TMIGD3: variants seen among roughly 807,000 people sequenced by gnomAD.
The protein encoded by TMIGD3 is AD026 protein (AD026).
In TMIGD3, 21 loss-of-function variants were observed where a neutral mutation model predicts 28.1. The observed-to-expected ratio is 0.75, with a 90% CI of 0.53 to 1.08. The LOEUF is 1.08. TMIGD3 is among the 50% of genes least tolerant of loss of function. TMIGD3 has a pLI of 0.00. For missense variants in TMIGD3, 416 were observed against 435.6 expected (o/e 0.96, Z 0.40); for synonymous variants, 151 against 162.1 (o/e 0.93, Z 0.52).
intron 1 of TMIGD3, among the ~76,000 whole-genome samples, chr1:111,548,450 T>G (rs1268158360): frequency 1.3e-5 from 2 of 152,230 alleles, no homozygotes; most frequent in Non-Finnish European, 2.9e-5. Context: ...TGACTCTGCT[T>G]GTTTAAAATT....
At chr1:111,497,229 G>A (rs1195323961) in intron 1 of TMIGD3, among the ~76,000 whole-genome samples, 3 of 152,166 alleles carry the variant, frequency 2.0e-5, no homozygotes, top group African/African-American at 7.2e-5. Flanking sequence ...TCCTGCCTCA[G>A]CCTCCCGAGT....
upstream of TMIGD3, chr1:111,504,876 C>A (rs995676535): frequency 1.0e-5 from 10 of 985,302 alleles, no homozygotes; most frequent in Middle Eastern, 5.2e-4. Flanking sequence ...CTTGTCCCCG[C>A]CAGACTTGTC....
chr1:111,536,394 A>G (rs1408978709), intron 1 of TMIGD3, among the ~76,000 whole-genome samples: 1 of 152,168 alleles, frequency 6.6e-6, no homozygotes, highest in Admixed American at 6.5e-5. Flanking sequence ...CACTGTGGGA[A>G]AATCCCTAGG....
chr1:111,526,467 A>G (rs1656266128), intron 1 of TMIGD3, among the ~76,000 whole-genome samples: 1 of 152,116 alleles, frequency 6.6e-6, no homozygotes, highest in African/African-American at 2.4e-5. Context: ...CCATGATTGT[A>G]AGTTTCCTGA....
intron 1 of TMIGD3, among the ~76,000 whole-genome samples, chr1:111,560,285 T>C: frequency 6.6e-6 from 1 of 151,978 alleles, no homozygotes; most frequent in East Asian, 1.9e-4. Context: ...TCTCAGCCTT[T>C]TGGCTAAAAT....
intron 1 of TMIGD3, among the ~76,000 whole-genome samples, chr1:111,549,309 C>CT (rs767231547): frequency 0.052 from 6,553 of 125,418 alleles, 382 homozygotes; most frequent in Admixed American, 0.14. Flanking sequence ...CAGTCATGGG[C>CT]TTTTTTTTTT....
At chr1:111,525,388 T>A (rs1656228501) in intron 1 of TMIGD3, among the ~76,000 whole-genome samples, 1 of 152,228 alleles carries the variant, frequency 6.6e-6, no homozygotes, top group African/African-American at 2.4e-5. Flanking sequence ...TAGGTCCTAT[T>A]GATGAATTGT....
upstream of TMIGD3, chr1:111,504,207 C>T (rs955161118): frequency 2.3e-6 from 2 of 866,006 alleles, no homozygotes; most frequent in Non-Finnish European, 1.4e-6. Flanking sequence ...TGCTTAGCCT[C>T]CACCTCTCTT....
intron 5 of TMIGD3, among the ~76,000 whole-genome samples, chr1:111,484,443 G>A (rs1258565629): frequency 6.6e-6 from 1 of 152,168 alleles, no homozygotes; most frequent in African/African-American, 2.4e-5. Context: ...AGTGACAATG[G>A]TTTTAGCAAA....
chr1:111,486,254 C>T (rs1361478991), intron 4 of TMIGD3, among the ~76,000 whole-genome samples: 1 of 152,168 alleles, frequency 6.6e-6, no homozygotes, highest in African/African-American at 2.4e-5. Context: ...GAGGTAAATT[C>T]GTGATGATGT....
At chr1:111,524,028 CTTTTTTTTT>C (rs35046603) in intron 1 of TMIGD3, among the ~76,000 whole-genome samples, 1 of 108,790 alleles carries the variant, frequency 9.2e-6, no homozygotes, top group African/African-American at 3.4e-5. Context: ...TCTTTCTTTT[CTTTTTTTTT>C]TTTTTTTTTT....
chr1:111,504,319 T>C (rs146112758), upstream of TMIGD3, among the ~76,000 whole-genome samples: 1 of 152,230 alleles, frequency 6.6e-6, no homozygotes, highest in African/African-American at 2.4e-5. Context: ...TGACCAGACA[T>C]ACAGAAAGAA....
chr1:111,512,728 T>A (rs1655731512), intron 1 of TMIGD3, among the ~76,000 whole-genome samples: 1 of 152,114 alleles, frequency 6.6e-6, no homozygotes, highest in African/African-American at 2.4e-5. Context: ...AGAGGTTGAA[T>A]TAAAGGAAAG....
upstream of TMIGD3, chr1:111,504,876 C>CCAGA (rs1320101593): frequency 1.0e-6 from 1 of 985,184 alleles, no homozygotes; most frequent in Non-Finnish European, 1.2e-6. Flanking sequence ...CTTGTCCCCG[C>CCAGA]CAGACTTGTC....
chr1:111,560,858 C>A (rs13376212), intron 1 of TMIGD3, among the ~76,000 whole-genome samples: 29,701 of 152,106 alleles, frequency 0.2, 5,070 homozygotes, highest in East Asian at 0.48. Context: ...TCTCCATCCT[C>A]CCAAATCCTT....
chr1:111,500,921 C>CTT (rs56907773), intron 1 of TMIGD3: 48 of 286,712 alleles, frequency 1.7e-4, no homozygotes, highest in South Asian at 2.5e-4. Context: ...TTTTCTTTTT[C>CTT]TTTTTTTTTT....
intron 1 of TMIGD3, among the ~76,000 whole-genome samples, chr1:111,518,164 C>T (rs1159227703): frequency 6.6e-6 from 1 of 152,148 alleles, no homozygotes; most frequent in Non-Finnish European, 1.5e-5. Flanking sequence ...ATTGTGGCTC[C>T]CACTGTTAGG....
intron 1 of TMIGD3, among the ~76,000 whole-genome samples, chr1:111,529,965 A>ACCTC (rs1656400219): frequency 1.4e-5 from 1 of 73,532 alleles, no homozygotes; most frequent in South Asian, 4.7e-4. Flanking sequence ...GGCGCCCCTC[A>ACCTC]CCTCCCGGAT....
intron 1 of TMIGD3, among the ~76,000 whole-genome samples, chr1:111,555,909 T>A (rs1657470437): frequency 6.6e-6 from 1 of 152,094 alleles, no homozygotes; most frequent in Non-Finnish European, 1.5e-5. Flanking sequence ...AAAAAATCGA[T>A]AAATTGAACT....
Sources: allele counts gnomAD v4.1 joint callset (sites outside exome capture counted in the v4.1 genomes callset), GRCh38; gene constraint gnomAD v4.1.1; transcripts MANE v1.5; gene names NCBI Gene and HGNC (gene_info 2026-07-23, HGNC 2026-07-21).